The following MCM6 variants were observed in gnomAD, a reference collection of about 807,000 sequenced individuals.
The protein encoded by MCM6 is DNA replication licensing factor MCM6.
A neutral mutation model predicts 94.3 loss-of-function variants in MCM6; 46 were observed. That is an observed-to-expected ratio of 0.49 (90% confidence interval 0.39 to 0.62). MCM6 has a LOEUF of 0.62. MCM6 is among the 20% of genes least tolerant of loss of function. The pLI, the probability that MCM6 is intolerant of heterozygous loss-of-function variation, is 0.00. For missense variants in MCM6, 865 were observed against 1,017.9 expected, an observed-to-expected ratio of 0.85 and a Z score of 2.04; for synonymous variants, 335 against 351.9, an observed-to-expected ratio of 0.95 and a Z score of 0.54.
chr2:135,862,778 A>C (rs1291528953), intron 7 of MCM6, 30 bp from the exon 8 acceptor site: 1 of 1,608,798 alleles, frequency 6.2e-7, no homozygotes, highest in East Asian at 2.2e-5. Flanking sequence ...CAGATGAAAA[A>C]CTAATTTTTC....
In MCM6 at chr2:135,840,958, A is replaced by G. The variant is rs777167028; in HGVS notation, c.2350-7T>C. 1 of 1,599,598 alleles carries G rather than the reference A, an allele frequency of 6.3e-7. No homozygotes were observed. The highest frequency in any genetic ancestry group is 8.6e-7 in the Non-Finnish European group (1 of 1,166,898). ...GCTCAATTAGAACATGATCCTGTGAAACACAAATATTTGTCCTCAGGTTTC... is the reference window on the plus strand; with the variant it reads ...GCTCAATTAGAACATGATCCTGTGAGACACAAATATTTGTCCTCAGGTTTC... On this transcript the variant is annotated splice_polypyrimidine_tract_variant and splice_region_variant and intron_variant, in intron 16 of 16. Transcript: ENST00000264156.
At chr2:135,862,869 T>G (rs1470729068) in intron 7 of MCM6, 121 bp from the exon 8 acceptor site, 1 of 998,658 alleles carries the variant, frequency 1.0e-6, no homozygotes, top group Admixed American at 2.4e-5. Flanking sequence ...AAGCAAAGCA[T>G]AAAACTGGAG....
intron 1 of MCM6, among the ~76,000 whole-genome samples, chr2:135,876,001 A>G (rs1382204543): frequency 6.6e-6 from 1 of 152,236 alleles, no homozygotes; most frequent in African/African-American, 2.4e-5. Flanking sequence ...GTGAGCATCA[A>G]GTGACAGAAG....
At chr2:135,869,275 C>A (rs573049664) in intron 3 of MCM6, among the ~76,000 whole-genome samples, 1 of 152,070 alleles carries the variant, frequency 6.6e-6, no homozygotes, top group South Asian at 2.1e-4. Context: ...GTGGCGGGCG[C>A]CTGTAATCCC....
chr2:135,871,985 G>A (rs1390828777), intron 2 of MCM6, among the ~76,000 whole-genome samples: 2 of 152,078 alleles, frequency 1.3e-5, no homozygotes, highest in African/African-American at 2.4e-5. Context: ...GTACAACAAC[G>A]TCAATGCTGT....
Position 135,857,883 on chromosome 2 carries a change from T to C in MCM6, c.1470+14A>G. ...TATGGACGATGCAGCAGAACAGAAG[T>C]AGATAACACATACCTTCACTCCTGC... On this transcript the variant is annotated intron_variant, in intron 10 of 16. Coordinates refer to ENST00000264156, the MANE Select transcript of MCM6 (RefSeq NM_005915.6). The C allele has an allele frequency of 6.2e-7, 1 of 1,602,146 alleles. No individual in the cohort carries two copies. Among genetic ancestry groups the C allele is most frequent in the Non-Finnish European group, 8.6e-7 (1 of 1,169,412 alleles).
chr2:135,866,066 C>T, intron 6 of MCM6, 66 bp downstream of exon 6: 1 of 1,575,020 alleles, frequency 6.3e-7, no homozygotes, highest in Non-Finnish European at 8.6e-7. Context: ...TTTGCCATTG[C>T]ACTCCAGCCT....
At position 135,871,162 on chromosome 2, in the gene MCM6, T is replaced by C. The variant is rs144331114; in HGVS notation, c.255-801A>G. On this transcript the variant is annotated intron_variant, in intron 2 of 16. Transcript: ENST00000264156. Reference sequence around the variant, plus strand: ...GTGAGAGTGAAGTATGCATGTCCTTTTGATATGTTTCTAATACCTACTCCA... The same window carrying C: ...GTGAGAGTGAAGTATGCATGTCCTTCTGATATGTTTCTAATACCTACTCCA... Among the ~76,000 whole-genome samples the C allele has an allele frequency of 3.9e-3, 589 of 152,280 alleles. 6 individuals are homozygous for C. Among genetic ancestry groups the C allele is most frequent in the Non-Finnish European group, 4.4e-3 (298 of 68,028 alleles).
chr2:135,856,900 G>GA lies in MCM6; in HGVS notation c.1471-18dup, dbSNP rs1377292573. 5 of 1,599,590 alleles carry GA rather than the reference G, an allele frequency of 3.1e-6. No homozygotes were observed. The highest frequency in any genetic ancestry group is 4.3e-6 in the Non-Finnish European group (5 of 1,174,150). On this transcript the variant is annotated splice_polypyrimidine_tract_variant and intron_variant, in intron 10 of 16. Coordinates refer to ENST00000264156, the MANE Select transcript of MCM6 (RefSeq NM_005915.6). ...CAGAGTAGCCTGACCACAAAAGAAAGAATCTTAACAGATTTAAATAGACAT... is the reference window on the plus strand; with the variant it reads ...CAGAGTAGCCTGACCACAAAAGAAAGAAATCTTAACAGATTTAAATAGACAT...
At chr2:135,870,160 T>G in intron 3 of MCM6, 91 bp downstream of exon 3, 1 of 892,772 alleles carries the variant, frequency 1.1e-6, no homozygotes, top group Non-Finnish European at 1.9e-6. Context: ...TAATAGCAGA[T>G]CAAGGCAACC....
rs186808876 is a variant in MCM6 at position 135,870,955 on chromosome 2, G to A, written c.255-594C>T. ...TTTTGTAGAAATGGGATTTCACCAT[G>A]TTGTCCAGGCTGGTCTCAAACTCCT... On this transcript the variant is annotated intron_variant, in intron 2 of 16. Transcript: ENST00000264156. 2.8e-3 allele frequency among the ~76,000 whole-genome samples: 433 copies of A among 152,228 alleles called. 3 individuals carry two copies. The highest frequency in any genetic ancestry group is 0.019 in the South Asian group (94 of 4,826).
At chr2:135,873,212 C>T (rs973079121) in intron 1 of MCM6, among the ~76,000 whole-genome samples, 3 of 152,194 alleles carry the variant, frequency 2.0e-5, no homozygotes, top group Non-Finnish European at 4.4e-5. Flanking sequence ...CAGTGACTTG[C>T]TCCTCCTTGC....
chr2:135,860,277 C>T (rs756587415), intron 8 of MCM6, among the ~76,000 whole-genome samples: 14 of 151,638 alleles, frequency 9.2e-5, no homozygotes, highest in African/African-American at 1.7e-4. Context: ...GGACTACAGG[C>T]GCTCGCCACC....
intron 4 of MCM6, among the ~76,000 whole-genome samples, chr2:135,867,023 A>G (rs555630499): frequency 2.6e-5 from 4 of 152,364 alleles, no homozygotes; most frequent in Non-Finnish European, 5.9e-5. Context: ...TCTTTGTTCA[A>G]AATGACTCCA....
chr2:135,857,330 CT>C (rs1679910314), intron 10 of MCM6, among the ~76,000 whole-genome samples: 1 of 152,150 alleles, frequency 6.6e-6, no homozygotes, highest in Non-Finnish European at 1.5e-5. Context: ...CAGTATTATG[CT>C]TATGTACAAA....
intron 3 of MCM6, 48 bp from the exon 4 acceptor site, chr2:135,868,908 A>G (rs1558763106): frequency 6.4e-7 from 1 of 1,571,484 alleles, no homozygotes; most frequent in Non-Finnish European, 8.7e-7. Context: ...CTCTTAACTA[A>G]GAATCTTTCC....
intron 14 of MCM6, among the ~76,000 whole-genome samples, chr2:135,847,292 A>C (rs944079741): frequency 3.3e-5 from 5 of 152,100 alleles, no homozygotes; most frequent in Admixed American, 2.6e-4. Flanking sequence ...TGGCGTGGGC[A>C]TATGTCCCAG....
At chr2:135,858,762 T>TA (rs1353431743) in intron 9 of MCM6, among the ~76,000 whole-genome samples, 1 of 152,222 alleles carries the variant, frequency 6.6e-6, no homozygotes, top group Non-Finnish European at 1.5e-5. Flanking sequence ...ACCTATAACT[T>TA]ATATACACAT....
chr2:135,859,498 C>T, intron 8 of MCM6, 56 bp from the exon 9 acceptor site: 1 of 1,225,998 alleles, frequency 8.2e-7, no homozygotes, highest in Admixed American at 2.4e-5. Context: ...AGCACCCTTC[C>T]CAGGAAAACC....
Sources: allele counts gnomAD v4.1 joint callset (sites outside exome capture counted in the v4.1 genomes callset), GRCh38; gene constraint gnomAD v4.1.1; transcripts MANE v1.5; gene names NCBI Gene and HGNC (gene_info 2026-07-23, HGNC 2026-07-21).